The following NGF variants were observed in gnomAD, a reference collection of about 807,000 sequenced individuals.
NGF encodes beta-nerve growth factor.
In NGF, 4 loss-of-function variants were observed where a neutral mutation model predicts 12.8. That is an observed-to-expected ratio of 0.31 (90% CI 0.15 to 0.72). The LOEUF is 0.72. Among genes scored for constraint, NGF ranks in the 30% least tolerant of loss-of-function variants. NGF has a pLI of 0.69. For synonymous variants in NGF, 140 were observed against 130.0 expected, an observed-to-expected ratio of 1.08 and a Z score of -0.52; for missense variants, 283 against 330.8, an observed-to-expected ratio of 0.86 and a Z score of 1.12.
chr1:115,293,683 A>T lies in NGF; in HGVS notation c.-69T>A, dbSNP rs1356684815. The T allele has an allele frequency of 6.5e-6, 1 of 152,860 alleles. No individual in the cohort carries two copies. The highest frequency in any genetic ancestry group is 2.4e-5 in the African/African-American group (1 of 41,428). The allele number at this position is 152,860 out of a possible 1,614,324, so 9.5% of individuals were successfully genotyped here. A position where few individuals can be genotyped will look rare whatever the true frequency, so the allele number is the denominator to read the frequency against. Reference sequence around the variant, plus strand: ...TTGGTAAAACTGTTATTGGGTCCGGACGCTGAGCTGAGCTTGGGTCCAGCA... The same window carrying T: ...TTGGTAAAACTGTTATTGGGTCCGGTCGCTGAGCTGAGCTTGGGTCCAGCA... On this transcript the variant is annotated 5_prime_UTR_variant, in exon 2 of 3. Transcript: ENST00000369512.
chr1:115,329,598 A>G (rs1308695269), intron 1 of NGF, among the ~76,000 whole-genome samples: 2 of 152,198 alleles, frequency 1.3e-5, no homozygotes, highest in Admixed American at 1.3e-4. Flanking sequence ...CTAAAACAAA[A>G]GTTTCATAAA....
At chr1:115,290,386 CTTTTTTTTTTT>C (rs67332447) in intron 2 of NGF, among the ~76,000 whole-genome samples, 2 of 64,412 alleles carry the variant, frequency 3.1e-5, no homozygotes, top group African/African-American at 5.7e-5. Flanking sequence ...CTTCTCTCAT[CTTTTTTTTTTT>C]TTTTTTTTTT....
chr1:115,298,160 G>A (rs1200512030), intron 1 of NGF, among the ~76,000 whole-genome samples: 1 of 152,238 alleles, frequency 6.6e-6, no homozygotes, highest in African/African-American at 2.4e-5. Flanking sequence ...CAGTTGTCTA[G>A]ATATAATTGA....
chr1:115,337,261 G>GTTTTGTTTTTTTTTTTTTTTTTTT (rs1655139013), intron 1 of NGF, among the ~76,000 whole-genome samples: 1 of 11,758 alleles, frequency 8.5e-5, no homozygotes. Context: ...TTTTTGTTTT[G>GTTTTGTTTTTTTTTTTTTTTTTTT]TTTTTGTTTT....
At chr1:115,331,760 C>T (rs912530737) in intron 1 of NGF, among the ~76,000 whole-genome samples, 7 of 152,230 alleles carry the variant, frequency 4.6e-5, no homozygotes, top group African/African-American at 1.7e-4. Flanking sequence ...TATATTCTCT[C>T]ATGAGCCACT....
chr1:115,295,874 C>T (rs779980121), intron 1 of NGF, among the ~76,000 whole-genome samples: 4 of 152,018 alleles, frequency 2.6e-5, no homozygotes, highest in Non-Finnish European at 5.9e-5. Flanking sequence ...CCTGTGCTGG[C>T]CACTGTTTTA....
In NGF at chr1:115,286,647, C is replaced by T; in HGVS notation, c.149G>A (p.Arg50Lys). Residue 50 changes from arginine (R) to lysine (K), a missense_variant, in exon 3 of 3, where the codon AGA becomes AAA. Transcript: ENST00000369512. Reference protein sequence around the residue: ...LQHSLDTALRRARSAPAAAIA... With the variant: ...LQHSLDTALRKARSAPAAAIA... The stretch of plus-strand genomic sequence containing the variant: ...CGCCGCTGCCGGGGCGCTGCGGGCT[C>T]TGCGAAGGGCAGTGTCAAGGGAATG... 6.2e-7 allele frequency: 1 copy of T among 1,614,222 alleles called. No homozygotes were observed. Among genetic ancestry groups the T allele is most frequent in the Non-Finnish European group, 8.5e-7 (1 of 1,180,044 alleles).
intron 1 of NGF, among the ~76,000 whole-genome samples, chr1:115,298,937 T>A (rs1653954221): frequency 6.6e-6 from 1 of 152,058 alleles, no homozygotes; most frequent in Non-Finnish European, 1.5e-5. Flanking sequence ...TCTTCCTGGC[T>A]GTAGCCATTC....
intron 1 of NGF, among the ~76,000 whole-genome samples, chr1:115,317,205 A>G (rs1654497265): frequency 2.0e-5 from 3 of 152,066 alleles, no homozygotes; most frequent in Non-Finnish European, 4.4e-5. Context: ...TGGAGCCACC[A>G]TCTGTTTGCA....
chr1:115,305,301 C>A (rs1265390106), intron 1 of NGF, among the ~76,000 whole-genome samples: 1 of 152,124 alleles, frequency 6.6e-6, no homozygotes, highest in East Asian at 1.9e-4. Context: ...GATAAGGAAA[C>A]TTTACCTCAG....
At chr1:115,327,750 C>T (rs1654815483) in intron 1 of NGF, among the ~76,000 whole-genome samples, 1 of 152,210 alleles carries the variant, frequency 6.6e-6, no homozygotes, top group African/African-American at 2.4e-5. Flanking sequence ...ATTTAAACAT[C>T]TCTCTGCTGG....
intron 1 of NGF, among the ~76,000 whole-genome samples, chr1:115,298,214 G>A (rs1345839620): frequency 6.6e-6 from 1 of 152,060 alleles, no homozygotes; most frequent in Non-Finnish European, 1.5e-5. Context: ...CTCCTTGCAT[G>A]CCACTTAAAA....
At chr1:115,327,124 C>T (rs1654799058) in intron 1 of NGF, among the ~76,000 whole-genome samples, 3 of 152,128 alleles carry the variant, frequency 2.0e-5, no homozygotes, top group African/African-American at 7.2e-5. Context: ...AAAGAAGATA[C>T]AAACAAACTT....
chr1:115,329,121 G>C (rs919205301), intron 1 of NGF, among the ~76,000 whole-genome samples: 1 of 151,614 alleles, frequency 6.6e-6, no homozygotes, highest in Non-Finnish European at 1.5e-5. Flanking sequence ...AAGAGGAGGA[G>C]GAAGAAGAAG....
At chr1:115,332,116 A>T (rs1654937377) in intron 1 of NGF, among the ~76,000 whole-genome samples, 1 of 152,254 alleles carries the variant, frequency 6.6e-6, no homozygotes. Context: ...AATCCTAAAG[A>T]CACAGAGGAG....
At chr1:115,303,193 A>T (rs1654093050) in intron 1 of NGF, among the ~76,000 whole-genome samples, 1 of 152,182 alleles carries the variant, frequency 6.6e-6, no homozygotes, top group South Asian at 2.1e-4. Flanking sequence ...ATCACTTCAA[A>T]AGGCACATGT....
At chr1:115,316,417 T>C (rs1654476541) in intron 1 of NGF, among the ~76,000 whole-genome samples, 1 of 151,428 alleles carries the variant, frequency 6.6e-6, no homozygotes, top group Non-Finnish European at 1.5e-5. Flanking sequence ...TGTCCACTTG[T>C]TTTTTTTGCA....
At chr1:115,287,068 G>T (rs1024311623) in intron 2 of NGF, among the ~76,000 whole-genome samples, 3 of 152,168 alleles carry the variant, frequency 2.0e-5, no homozygotes, top group African/African-American at 7.2e-5. Context: ...CTGAAATTTT[G>T]CCCAGTAGTT....
At chr1:115,297,659 T>C (rs981876961) in intron 1 of NGF, among the ~76,000 whole-genome samples, 14 of 152,210 alleles carry the variant, frequency 9.2e-5, no homozygotes, top group African/African-American at 2.4e-4. Flanking sequence ...GCCACAGCTA[T>C]TGAAACCTGA....
Sources: allele counts gnomAD v4.1 joint callset (sites outside exome capture counted in the v4.1 genomes callset), GRCh38; gene constraint gnomAD v4.1.1; transcripts MANE v1.5; gene names NCBI Gene and HGNC (gene_info 2026-07-23, HGNC 2026-07-21).